Variants in MAGI2 observed in about 807,000 individuals in gnomAD.
The protein encoded by MAGI2 is membrane associated guanylate kinase, WW and PDZ domain containing 2.
Under a neutral mutation model 133.3 loss-of-function variants are expected in MAGI2, and 35 were observed. That is an observed-to-expected ratio of 0.26 (90% CI 0.20 to 0.35). MAGI2 has a LOEUF of 0.35. Ranked by LOEUF, MAGI2 falls within the 10% of genes least tolerant of loss-of-function variation. The pLI, the probability that MAGI2 is intolerant of heterozygous loss-of-function variation, is 1.00. For missense variants in MAGI2, 1,636 were observed against 1,863.4 expected (o/e 0.88, Z 2.25); for synonymous variants, 729 against 710.6 (o/e 1.03, Z -0.41).
At chr7:78,362,915 C>T (rs1324109422) in intron 7 of MAGI2, among the ~76,000 whole-genome samples, 2 of 152,162 alleles carry the variant, frequency 1.3e-5, no homozygotes, top group African/African-American at 4.8e-5. Flanking sequence ...GTCATATTCC[C>T]TTAGAAAACT....
intron 5 of MAGI2, among the ~76,000 whole-genome samples, chr7:78,498,183 A>T (rs532611891): frequency 3.2e-4 from 49 of 152,366 alleles, no homozygotes; most frequent in African/African-American, 1.1e-3. Context: ...GGTAATGCAT[A>T]TGTTAAGTAG....
At chr7:78,511,479 T>C (rs1041204482) in intron 4 of MAGI2, among the ~76,000 whole-genome samples, 1 of 150,586 alleles carries the variant, frequency 6.6e-6, no homozygotes, top group Non-Finnish European at 1.5e-5. Flanking sequence ...AATTCTAATA[T>C]GGGTACTAAA....
rs796371005 is a variant in MAGI2 at position 78,557,080 on chromosome 7, C to CAAAAAAAAAAAAAAAAA, written c.539-35452_539-35436dup. 1.8e-3 allele frequency among the ~76,000 whole-genome samples: 74 copies of CAAAAAAAAAAAAAAAAA among 40,842 alleles called. 1 individual carries two copies. Among genetic ancestry groups the CAAAAAAAAAAAAAAAAA allele is most frequent in the African/African-American group, 5.7e-3 (49 of 8,610 alleles). The allele number at this position is 40,842 out of a possible 152,430, so 26.8% of individuals were successfully genotyped here. ...TACTCCAGCCTGGGTGGCAGAGTCTCAAAAAAAAAAAAAAAAAAAAGAAAA... is the reference window on the plus strand; with the variant it reads ...TACTCCAGCCTGGGTGGCAGAGTCTCAAAAAAAAAAAAAAAAAAAAAAAAAAAAAAAAAAAAAGAAAA... On this transcript the variant is annotated intron_variant, in intron 3 of 21. Coordinates refer to ENST00000354212, the MANE Select transcript of MAGI2 (RefSeq NM_012301.4).
At chr7:78,384,535 T>C (rs1795208712) in intron 6 of MAGI2, among the ~76,000 whole-genome samples, 1 of 152,220 alleles carries the variant, frequency 6.6e-6, no homozygotes, top group African/African-American at 2.4e-5. Flanking sequence ...TTGATTTAAA[T>C]AATCCTAATG....
intron 6 of MAGI2, among the ~76,000 whole-genome samples, chr7:78,416,165 T>C (rs1267547257): frequency 6.6e-6 from 1 of 152,010 alleles, no homozygotes; most frequent in Non-Finnish European, 1.5e-5. Context: ...TGAAATGAAG[T>C]GAATATGTTG....
chr7:79,035,488 T>C (rs1314702086), intron 1 of MAGI2, among the ~76,000 whole-genome samples: 1 of 152,186 alleles, frequency 6.6e-6, no homozygotes, highest in Non-Finnish European at 1.5e-5. Flanking sequence ...CAAATTCAAA[T>C]ACCTCTTTAA....
chr7:79,269,707 C>T (rs1834738038), intron 1 of MAGI2, among the ~76,000 whole-genome samples: 1 of 152,166 alleles, frequency 6.6e-6, no homozygotes, highest in Admixed American at 6.5e-5. Flanking sequence ...TGCTTGTGAT[C>T]TCCAAGCTGT....
At chr7:79,348,254 A>T (rs1283976841) in intron 1 of MAGI2, among the ~76,000 whole-genome samples, 1 of 151,868 alleles carries the variant, frequency 6.6e-6, no homozygotes, top group Non-Finnish European at 1.5e-5. Context: ...TGTGCTGCAG[A>T]TCTTCTAGTT....
intron 2 of MAGI2, among the ~76,000 whole-genome samples, chr7:78,703,491 G>A (rs778652414): frequency 1.4e-4 from 22 of 151,948 alleles, no homozygotes; most frequent in African/African-American, 3.1e-4. Context: ...ATCATTTTGC[G>A]TTGAATGGAT....
At chr7:79,318,782 A>C (rs978086301) in intron 1 of MAGI2, among the ~76,000 whole-genome samples, 2 of 152,084 alleles carry the variant, frequency 1.3e-5, no homozygotes, top group African/African-American at 4.8e-5. Flanking sequence ...AATTTGCTGT[A>C]GTTTTTCTCT....
intron 2 of MAGI2, among the ~76,000 whole-genome samples, chr7:78,744,225 C>G (rs10229518): frequency 0.016 from 2,356 of 151,986 alleles, 62 homozygotes; most frequent in African/African-American, 0.052. Context: ...AAATTTTTTC[C>G]ACGCTAATTT....
intron 1 of MAGI2, among the ~76,000 whole-genome samples, chr7:79,363,201 C>T (rs975086601): frequency 2.7e-5 from 4 of 149,468 alleles, no homozygotes; most frequent in South Asian, 2.1e-4. Context: ...TCAATCACTT[C>T]GAATAAAATG....
intron 1 of MAGI2, among the ~76,000 whole-genome samples, chr7:79,121,704 T>C (rs1227514829): frequency 1.3e-5 from 2 of 152,166 alleles, no homozygotes; most frequent in Non-Finnish European, 2.9e-5. Flanking sequence ...TTCTCTCTTT[T>C]AATACTCATA....
chr7:78,274,511 G>A (rs1794871769), intron 9 of MAGI2, among the ~76,000 whole-genome samples: 1 of 152,104 alleles, frequency 6.6e-6, no homozygotes, highest in African/African-American at 2.4e-5. Context: ...AGGCAGGGAC[G>A]TTTAAGTCTG....
intron 1 of MAGI2, among the ~76,000 whole-genome samples, chr7:79,194,721 C>T (rs1173505161): frequency 6.6e-6 from 1 of 151,294 alleles, no homozygotes; most frequent in African/African-American, 2.4e-5. Flanking sequence ...TCAGTGAAAT[C>T]TTCCCTGAGC....
chr7:78,677,855 G>A (rs959276733), intron 2 of MAGI2, among the ~76,000 whole-genome samples: 1 of 152,058 alleles, frequency 6.6e-6, no homozygotes, highest in Admixed American at 6.6e-5. Context: ...AAAAGCTAGT[G>A]CTCTGCATAG....
intron 1 of MAGI2, among the ~76,000 whole-genome samples, chr7:79,304,675 T>G (rs1837647585): frequency 1.3e-5 from 2 of 152,216 alleles, no homozygotes; most frequent in African/African-American, 2.4e-5. Context: ...GCCCAGACAC[T>G]GCTGCTGAGC....
chr7:79,363,237 A>T (rs1160022980), intron 1 of MAGI2, among the ~76,000 whole-genome samples: 2 of 150,998 alleles, frequency 1.3e-5, no homozygotes, highest in African/African-American at 4.8e-5. Context: ...CAGTTTAAAA[A>T]TGTATGCTGA....
intron 6 of MAGI2, among the ~76,000 whole-genome samples, chr7:78,481,674 A>C (rs1445403191): frequency 5.9e-5 from 9 of 151,790 alleles, no homozygotes; most frequent in Non-Finnish European, 1.3e-4. Context: ...TAGCCTTTTC[A>C]ACAAATGGTG....
Sources: allele counts gnomAD v4.1 joint callset (sites outside exome capture counted in the v4.1 genomes callset), GRCh38; gene constraint gnomAD v4.1.1; transcripts MANE v1.5; gene names NCBI Gene and HGNC (gene_info 2026-07-23, HGNC 2026-07-21).